The following MALRD1 variants were observed in gnomAD, a reference collection of about 807,000 sequenced individuals.
The protein encoded by MALRD1 is MAM and LDL receptor class A domain containing 1.
Under a neutral mutation model 242.1 loss-of-function variants are expected in MALRD1, and 247 were observed. That is an observed-to-expected ratio of 1.02 (90% confidence interval 0.92 to 1.13). MALRD1 has a LOEUF of 1.13. Among genes scored for constraint, MALRD1 ranks in the 50% most tolerant of loss-of-function variants. The probability of loss-of-function intolerance (pLI) is 0.00; values close to 1 mark genes in which losing one functional copy is unlikely to be tolerated. For missense variants in MALRD1, 2,989 were observed against 2,533.1 expected (o/e 1.18, Z -3.86); for synonymous variants, 995 against 866.6 (o/e 1.15, Z -2.60).
intron 1 of MALRD1, among the ~76,000 whole-genome samples, chr10:19,061,762 C>G (rs1313479705): frequency 6.6e-6 from 1 of 152,112 alleles, no homozygotes; most frequent in Non-Finnish European, 1.5e-5. Flanking sequence ...GGACCCTTAC[C>G]TTATACCATA....
intron 22 of MALRD1, among the ~76,000 whole-genome samples, chr10:19,325,413 A>AT (rs34524649): frequency 8.2e-4 from 118 of 144,776 alleles, no homozygotes; most frequent in South Asian, 5.0e-3. Context: ...AAAGTCCTGT[A>AT]TTTTTTTTTT....
chr10:19,118,784 G>C (rs73591917), intron 5 of MALRD1, among the ~76,000 whole-genome samples: 8,699 of 152,194 alleles, frequency 0.057, 263 homozygotes, highest in South Asian at 0.12. Context: ...GATGGTTGGG[G>C]CTTAGGATTT....
chr10:19,434,506 G>A (rs761906582), intron 28 of MALRD1, among the ~76,000 whole-genome samples: 4 of 151,658 alleles, frequency 2.6e-5, no homozygotes, highest in Non-Finnish European at 4.4e-5. Context: ...CAAAATGTTT[G>A]CAGTTTAAAG....
intron 33 of MALRD1, among the ~76,000 whole-genome samples, chr10:19,586,723 G>T (rs187848857): frequency 1.3e-5 from 2 of 152,216 alleles, no homozygotes; most frequent in Non-Finnish European, 2.9e-5. Flanking sequence ...ACAGAGGCCC[G>T]CAGGCCTCCT....
intron 2 of MALRD1, among the ~76,000 whole-genome samples, chr10:19,072,720 T>C (rs978749153): frequency 1.3e-5 from 2 of 152,154 alleles, no homozygotes; most frequent in African/African-American, 4.8e-5. Flanking sequence ...GCAAACTTTA[T>C]TTCTGTATCA....
intron 11 of MALRD1, among the ~76,000 whole-genome samples, chr10:19,150,303 G>T (rs1279122028): frequency 6.6e-6 from 1 of 152,026 alleles, no homozygotes; most frequent in Admixed American, 6.6e-5. Context: ...TTCGGGAAAT[G>T]TTCCAGCTAT....
chr10:19,702,013 G>A (rs567017173), intron 38 of MALRD1, among the ~76,000 whole-genome samples: 19 of 152,066 alleles, frequency 1.2e-4, no homozygotes, highest in Admixed American at 7.9e-4. Context: ...CAGACAGCCC[G>A]ACTGGCTTTG....
At chr10:19,328,226 A>G (rs11009493) in intron 23 of MALRD1, among the ~76,000 whole-genome samples, 21,175 of 152,136 alleles carry the variant, frequency 0.14, 1,500 homozygotes, top group South Asian at 0.16. Context: ...GAAAATGTTT[A>G]AACTGGAAAT....
chr10:19,215,537 C>A (rs1837271132), intron 18 of MALRD1, among the ~76,000 whole-genome samples: 1 of 152,090 alleles, frequency 6.6e-6, no homozygotes, highest in African/African-American at 2.4e-5. Flanking sequence ...CATTGTCCCC[C>A]CAAACTTCTT....
chr10:19,604,176 A>G (rs1838498548), intron 34 of MALRD1, among the ~76,000 whole-genome samples: 2 of 152,176 alleles, frequency 1.3e-5, no homozygotes, highest in Admixed American at 6.5e-5. Flanking sequence ...AAGGCAATTA[A>G]AACACTACTC....
intron 18 of MALRD1, among the ~76,000 whole-genome samples, chr10:19,220,458 A>G (rs1837509615): frequency 6.6e-6 from 1 of 152,194 alleles, no homozygotes; most frequent in African/African-American, 2.4e-5. Context: ...AATTTCTTAC[A>G]TGAACGTCCA....
At chr10:19,491,433 A>G in intron 29 of MALRD1, 84 bp from the exon 30 acceptor site, 1 of 1,471,078 alleles carries the variant, frequency 6.8e-7, no homozygotes, top group Non-Finnish European at 9.2e-7. Flanking sequence ...ACTAGTGTGA[A>G]ATCTATAAAA....
intron 31 of MALRD1, among the ~76,000 whole-genome samples, chr10:19,507,338 G>T (rs547039093): frequency 6.6e-6 from 1 of 151,978 alleles, no homozygotes; most frequent in Non-Finnish European, 1.5e-5. Context: ...TTCCGCTTTG[G>T]TATAAATGTA....
chr10:19,650,252 G>T (rs755791237), intron 36 of MALRD1, among the ~76,000 whole-genome samples: 6 of 152,108 alleles, frequency 3.9e-5, no homozygotes, highest in Non-Finnish European at 7.4e-5. Flanking sequence ...AAGCAAAAAG[G>T]AATTGTCCAA....
chr10:19,442,294 C>T (rs1834709542), intron 28 of MALRD1, among the ~76,000 whole-genome samples: 1 of 152,168 alleles, frequency 6.6e-6, no homozygotes, highest in African/African-American at 2.4e-5. Flanking sequence ...GACAATTTGA[C>T]TTCCTTTTTT....
intron 1 of MALRD1, among the ~76,000 whole-genome samples, chr10:19,064,499 T>G (rs1039332161): frequency 2.0e-5 from 3 of 151,598 alleles, no homozygotes; most frequent in African/African-American, 7.3e-5. Context: ...TATTAGAAGT[T>G]CAGGATTGCT....
intron 34 of MALRD1, among the ~76,000 whole-genome samples, chr10:19,599,368 T>C (rs1838248990): frequency 6.6e-6 from 1 of 152,152 alleles, no homozygotes; most frequent in African/African-American, 2.4e-5. Context: ...ATATTGTCTT[T>C]CCACTGGAAA....
At chr10:19,215,444 G>C (rs1837266398) in intron 18 of MALRD1, among the ~76,000 whole-genome samples, 1 of 152,190 alleles carries the variant, frequency 6.6e-6, no homozygotes, top group Non-Finnish European at 1.5e-5. Flanking sequence ...TGGATGGTCT[G>C]TCCCTGTGGA....
At chr10:19,123,626 G>T in intron 6 of MALRD1, 33 bp downstream of exon 6, 2 of 1,155,470 alleles carry the variant, frequency 1.7e-6, no homozygotes, top group Non-Finnish European at 2.2e-6. Context: ...CACTTTTCTG[G>T]TATATATGCA....
Sources: gnomAD v4.1 joint callset for allele counts (sites outside exome capture counted in the v4.1 genomes callset) on GRCh38, gnomAD v4.1.1 for gene constraint, MANE v1.5 for transcripts, NCBI Gene and HGNC (gene_info 2026-07-23, HGNC 2026-07-21) for gene names.